Variants in SUPT3H observed in about 807,000 individuals in gnomAD.
SUPT3H encodes SPT3 homolog, SAGA and STAGA complex component.
In SUPT3H, 44 loss-of-function variants were observed where a neutral mutation model predicts 44.3. The ratio of observed to expected loss-of-function variants is 0.99; its 90% CI spans 0.78 to 1.28. The LOEUF (loss-of-function observed/expected upper bound fraction) is 1.28. SUPT3H is among the 50% of genes most tolerant of loss of function. The pLI is 0.00. For synonymous variants in SUPT3H, 124 were observed against 125.6 expected (o/e 0.99, Z 0.09); for missense variants, 380 against 387.1 (o/e 0.98, Z 0.15).
At chr6:45,284,827 T>C (rs1043242272) in intron 2 of SUPT3H, among the ~76,000 whole-genome samples, 3 of 152,050 alleles carry the variant, frequency 2.0e-5, no homozygotes, top group Non-Finnish European at 4.4e-5. Context: ...CTGATGAACA[T>C]CGATACAAAA....
At position 45,064,626 on chromosome 6, in the gene SUPT3H, A is replaced by C. The variant is rs1257912093; in HGVS notation, c.186+41296T>G. On this transcript the variant is annotated intron_variant, in intron 3 of 10. Transcript: ENST00000371459. The stretch of plus-strand genomic sequence containing the variant: ...AAGGATGGAGGAAGATCTACCAAGC[A>C]AATGGAAAACAAAAAAAGGCAGGGG... Among the ~76,000 whole-genome samples the C allele has an allele frequency of 4.0e-3, 555 of 139,536 alleles. 1 individual carries two copies. The highest frequency in any genetic ancestry group is 0.011 in the South Asian group (43 of 3,954). 91.5% of individuals were successfully genotyped at this position (139,536 alleles called of 152,430 possible).
At position 44,872,393 on chromosome 6, in the gene SUPT3H, A is replaced by T. The variant is rs1049534421; in HGVS notation, c.913-42536T>A. On this transcript the variant is annotated intron_variant, in intron 10 of 10. Coordinates refer to ENST00000371459, the MANE Select transcript of SUPT3H (RefSeq NM_003599.4). ...TCAACCCAGAATTTCATATCCAGCC[A>T]AACTAAACTTCATAAGTGAAGGAGA... 4.6e-3 allele frequency among the ~76,000 whole-genome samples: 506 copies of T among 110,490 alleles called. 5 individuals carry two copies. Among genetic ancestry groups the T allele is most frequent in the African/African-American group, 0.016 (477 of 29,358 alleles). The allele number at this position is 110,490 out of a possible 152,430, so 72.5% of individuals were successfully genotyped here. A position where few individuals can be genotyped will look rare whatever the true frequency, so the allele number is the denominator to read the frequency against.
chr6:45,286,274 C>A (rs1779248763), intron 2 of SUPT3H, among the ~76,000 whole-genome samples: 2 of 152,032 alleles, frequency 1.3e-5, no homozygotes, highest in African/African-American at 4.8e-5. Flanking sequence ...AGAGCTTCTG[C>A]ACAACAAAAG....
intron 2 of SUPT3H, among the ~76,000 whole-genome samples, chr6:45,129,054 A>C (rs556764966): frequency 3.2e-4 from 48 of 152,340 alleles, no homozygotes; most frequent in African/African-American, 1.2e-3. Flanking sequence ...TTGTCCAATA[A>C]GCAAAAGCTT....
At chr6:45,340,351 T>C (rs1186839545) in intron 2 of SUPT3H, among the ~76,000 whole-genome samples, 4 of 152,026 alleles carry the variant, frequency 2.6e-5, no homozygotes, top group African/African-American at 9.7e-5. Context: ...CAAGACAAGG[T>C]CTCACTCTGT....
intron 2 of SUPT3H, among the ~76,000 whole-genome samples, chr6:45,145,249 A>G (rs922873631): frequency 6.6e-6 from 1 of 152,126 alleles, no homozygotes; most frequent in African/African-American, 2.4e-5. Context: ...GAGGCATCAT[A>G]TTACCTGACT....
rs66489332 is a variant in SUPT3H at position 44,988,519 on chromosome 6, T to TAAAAA, written c.504+15129_504+15133dup. ...ACAGACTATGTATGAAAGGCTTAAA[T>TAAAAA]AAAAAAAAAAAAAAAAAAAAAAAAT... On this transcript the variant is annotated intron_variant, in intron 6 of 10. Coordinates refer to ENST00000371459, the MANE Select transcript of SUPT3H (RefSeq NM_003599.4). 8.9e-3 allele frequency among the ~76,000 whole-genome samples: 842 copies of TAAAAA among 94,682 alleles called. 1 individual carries two copies. The highest frequency in any genetic ancestry group is 0.013 in the East Asian group (40 of 3,178). 62.1% of individuals were successfully genotyped at this position (94,682 alleles called of 152,430 possible). A position where few individuals can be genotyped will look rare whatever the true frequency, so the allele number is the denominator to read the frequency against.
rs775828741 is a variant in SUPT3H, at chr6:44,828,896, A to G, written c.*920T>C. On this transcript the variant is annotated 3_prime_UTR_variant, in exon 11 of 11. Coordinates refer to ENST00000371459, the MANE Select transcript of SUPT3H (RefSeq NM_003599.4). ...CAGGAACTGTACAATTACATCTGCTATATTTTGGTTTGTTCCAAAGAGTTA... is the reference window on the plus strand; with the variant it reads ...CAGGAACTGTACAATTACATCTGCTGTATTTTGGTTTGTTCCAAAGAGTTA... 2.6e-5 allele frequency: 4 copies of G among 152,192 alleles called. No individual in the cohort carries two copies. Among genetic ancestry groups the G allele is most frequent in the Non-Finnish European group, 5.9e-5 (4 of 68,022 alleles). The allele number at this position is 152,192 out of a possible 1,614,324, so 9.4% of individuals were successfully genotyped here. A position where few individuals can be genotyped will look rare whatever the true frequency, so the allele number is the denominator to read the frequency against.
intron 2 of SUPT3H, among the ~76,000 whole-genome samples, chr6:45,293,869 C>A (rs957924343): frequency 2.0e-5 from 3 of 151,720 alleles, no homozygotes; most frequent in African/African-American, 7.3e-5. Flanking sequence ...AAAAAAAAGT[C>A]CAGGACCAGA....
chr6:45,345,550 T>C (rs534871914), intron 2 of SUPT3H, among the ~76,000 whole-genome samples: 226 of 152,306 alleles, frequency 1.5e-3, no homozygotes, highest in African/African-American at 5.2e-3. Flanking sequence ...GATAGAAACC[T>C]TGGAATCATT....
At position 45,184,800 on chromosome 6, in the gene SUPT3H, A is replaced by G. The variant is rs1001117762; in HGVS notation, c.102-78794T>C. Among the ~76,000 whole-genome samples, 29 of 121,486 alleles carry G rather than the reference A, an allele frequency of 2.4e-4. 1 individual carries two copies. The highest frequency in any genetic ancestry group is 4.1e-4 in the Non-Finnish European group (23 of 55,510). The allele number at this position is 121,486 out of a possible 152,430, so 79.7% of individuals were successfully genotyped here. ...GAAAAAAAAAAAAAAAAAAAAAAAAAAAACTCCAAGGAAAGCCTGTTCCTA... is the reference window on the plus strand; with the variant it reads ...GAAAAAAAAAAAAAAAAAAAAAAAAGAAACTCCAAGGAAAGCCTGTTCCTA... On this transcript the variant is annotated intron_variant, in intron 2 of 10. Transcript: ENST00000371459.
intron 6 of SUPT3H, among the ~76,000 whole-genome samples, chr6:44,993,836 ACT>A (rs1780920721): frequency 1.3e-5 from 2 of 151,830 alleles, no homozygotes; most frequent in African/African-American, 4.8e-5. Flanking sequence ...TCCTAATGAA[ACT>A]CTTCCAGGAA....
At position 45,335,160 on chromosome 6, in the gene SUPT3H, A is replaced by G. The variant is rs1026133409; in HGVS notation, c.101+30041T>C. On this transcript the variant is annotated intron_variant, in intron 2 of 10. Transcript: ENST00000371459. ...TAAGCATTGAATTTCTAATTTTTCTATGATAATTGCTAGAATTAACTTTCT... is the reference window on the plus strand; with the variant it reads ...TAAGCATTGAATTTCTAATTTTTCTGTGATAATTGCTAGAATTAACTTTCT... 2.0e-5 allele frequency among the ~76,000 whole-genome samples: 3 copies of G among 151,342 alleles called. No homozygotes were observed. In the East Asian group the frequency reaches 5.8e-4, roughly 29 times the overall value.
chr6:44,826,023 C>T (rs1253241644), downstream of SUPT3H, among the ~76,000 whole-genome samples: 10 of 152,194 alleles, frequency 6.6e-5, no homozygotes, highest in Non-Finnish European at 1.0e-4. Context: ...TATTTACTAT[C>T]TATCTTGCTC....
intron 10 of SUPT3H, among the ~76,000 whole-genome samples, chr6:44,865,729 G>A (rs1350715161): frequency 3.9e-5 from 6 of 152,200 alleles, no homozygotes; most frequent in Non-Finnish European, 7.3e-5. Flanking sequence ...TAAAATTCAA[G>A]ATAAGATTTG....
At chr6:45,289,066 CTG>C (rs1349046119) in intron 2 of SUPT3H, among the ~76,000 whole-genome samples, 1 of 152,118 alleles carries the variant, frequency 6.6e-6, no homozygotes, top group African/African-American at 2.4e-5. Context: ...TAATAAGAAA[CTG>C]TATCTTAAAA....
chr6:45,021,458 T>C (rs1785124214), intron 3 of SUPT3H, among the ~76,000 whole-genome samples: 1 of 151,828 alleles, frequency 6.6e-6, no homozygotes, highest in Admixed American at 6.6e-5. Context: ...CAACATAAAA[T>C]ACGCCCATCT....
intron 2 of SUPT3H, among the ~76,000 whole-genome samples, chr6:45,163,700 T>C (rs1809400544): frequency 6.6e-6 from 1 of 152,036 alleles, no homozygotes; most frequent in African/African-American, 2.4e-5. Flanking sequence ...ATGTTTATAC[T>C]TGTTACCTTG....
intron 10 of SUPT3H, among the ~76,000 whole-genome samples, chr6:44,902,754 C>G (rs563423907): frequency 2.0e-5 from 3 of 152,122 alleles, no homozygotes; most frequent in African/African-American, 7.2e-5. Context: ...ACTGCACTTA[C>G]TCCAAAATTG....
Sources: allele counts gnomAD v4.1 joint callset (sites outside exome capture counted in the v4.1 genomes callset), GRCh38; gene constraint gnomAD v4.1.1; transcripts MANE v1.5; gene names NCBI Gene and HGNC (gene_info 2026-07-23, HGNC 2026-07-21).